The following PLCB1 variants were observed in gnomAD, a reference collection of about 807,000 sequenced individuals.
PLCB1 encodes the protein phospholipase C beta 1.
In PLCB1, 46 loss-of-function variants were observed where a neutral mutation model predicts 161.8. That is an observed-to-expected ratio of 0.28 (90% CI 0.22 to 0.36). The LOEUF (loss-of-function observed/expected upper bound fraction) is 0.36, where lower values mean the gene tolerates loss of function less well. Ranked by LOEUF, PLCB1 falls within the 10% of genes least tolerant of loss-of-function variation. The probability of loss-of-function intolerance (pLI) is 1.00; values close to 1 mark genes in which losing one functional copy is unlikely to be tolerated. For missense variants in PLCB1, 1,016 were observed against 1,472.5 expected (o/e 0.69, Z 5.07); for synonymous variants, 517 against 503.7 (o/e 1.03, Z -0.35).
intron 2 of PLCB1, among the ~76,000 whole-genome samples, chr20:8,233,353 C>A (rs1330583726): frequency 1.3e-5 from 2 of 152,068 alleles, no homozygotes; most frequent in Non-Finnish European, 2.9e-5. Context: ...CAGAGAAAGA[C>A]AATAAGAATG....
At chr20:8,774,768 T>A in intron 27 of PLCB1, 49 bp downstream of exon 27, 1 of 1,489,346 alleles carries the variant, frequency 6.7e-7, no homozygotes. Context: ...AACTCCCTTA[T>A]AGGAAACTTT....
At chr20:8,333,918 A>G (rs1047976241) in intron 2 of PLCB1, among the ~76,000 whole-genome samples, 1 of 152,224 alleles carries the variant, frequency 6.6e-6, no homozygotes, top group African/African-American at 2.4e-5. Context: ...AATAGAAAAC[A>G]TTAGCTTTGG....
At chr20:8,852,885 G>A (rs1986937543) in intron 31 of PLCB1, among the ~76,000 whole-genome samples, 1 of 152,220 alleles carries the variant, frequency 6.6e-6, no homozygotes, top group African/African-American at 2.4e-5. Context: ...GTGTCATGAA[G>A]TGACCTCTGA....
At chr20:8,203,805 G>T (rs1978371516) in intron 2 of PLCB1, among the ~76,000 whole-genome samples, 1 of 152,110 alleles carries the variant, frequency 6.6e-6, no homozygotes, top group Non-Finnish European at 1.5e-5. Flanking sequence ...TTTTTAATAC[G>T]TGCCTTAGTG....
chr20:8,452,943 A>C (rs2122653610), intron 3 of PLCB1, among the ~76,000 whole-genome samples: 1 of 152,314 alleles, frequency 6.6e-6, no homozygotes, highest in East Asian at 1.9e-4. Context: ...GTCCCTGAGT[A>C]CACCAGCTGA....
intron 19 of PLCB1, among the ~76,000 whole-genome samples, chr20:8,734,520 A>G (rs1421294678): frequency 3.3e-5 from 5 of 152,014 alleles, no homozygotes; most frequent in African/African-American, 1.2e-4. Flanking sequence ...TTGCTTTATT[A>G]AATATATATG....
chr20:8,840,395 G>C (rs1254172367), intron 31 of PLCB1, among the ~76,000 whole-genome samples: 1 of 152,202 alleles, frequency 6.6e-6, no homozygotes, highest in African/African-American at 2.4e-5. Context: ...GTGTGACATG[G>C]GCCATAGGTT....
chr20:8,304,461 T>C (rs2719804), intron 2 of PLCB1, among the ~76,000 whole-genome samples: 49,482 of 151,272 alleles, frequency 0.33, 10,459 homozygotes, highest in African/African-American at 0.59. Flanking sequence ...GAATCCCCTG[T>C]TGCTTAAATC....
intron 24 of PLCB1, among the ~76,000 whole-genome samples, chr20:8,758,641 G>A (rs947375962): frequency 6.6e-6 from 1 of 151,852 alleles, no homozygotes; most frequent in African/African-American, 2.4e-5. Context: ...TTATAAACAA[G>A]AAGTAAATTT....
intron 2 of PLCB1, among the ~76,000 whole-genome samples, chr20:8,363,685 G>A (rs946353196): frequency 6.6e-6 from 1 of 152,110 alleles, no homozygotes; most frequent in African/African-American, 2.4e-5. Context: ...CACACTCAGA[G>A]GGAGGGGATT....
intron 10 of PLCB1, among the ~76,000 whole-genome samples, chr20:8,692,664 T>C (rs1990503961): frequency 6.6e-6 from 1 of 152,122 alleles, no homozygotes. Context: ...AGGAATTCAT[T>C]AATATCATGG....
chr20:8,584,795 ATTCTCCT>A (rs1986939409), intron 3 of PLCB1, among the ~76,000 whole-genome samples: 2 of 151,782 alleles, frequency 1.3e-5, no homozygotes, highest in Non-Finnish European at 2.9e-5. Flanking sequence ...GGTTTAAGCG[ATTCTCCT>A]GCCTCAGCCT....
chr20:8,819,210 G>A (rs534835211), intron 31 of PLCB1, among the ~76,000 whole-genome samples: 2 of 152,232 alleles, frequency 1.3e-5, no homozygotes, highest in East Asian at 3.9e-4. Flanking sequence ...ATGAATAAGC[G>A]CACACTGATG....
At chr20:8,309,413 G>C (rs1034689254) in intron 2 of PLCB1, among the ~76,000 whole-genome samples, 3 of 152,158 alleles carry the variant, frequency 2.0e-5, no homozygotes, top group African/African-American at 7.2e-5. Context: ...CATAGGAAAA[G>C]CATTCTTCTT....
At chr20:8,613,107 G>A (rs1028937215) in intron 3 of PLCB1, among the ~76,000 whole-genome samples, 4 of 152,058 alleles carry the variant, frequency 2.6e-5, no homozygotes, top group Admixed American at 6.6e-5. Flanking sequence ...GTAAATGCTC[G>A]TCTCTTTATT....
At chr20:8,198,952 A>G in intron 2 of PLCB1, among the ~76,000 whole-genome samples, 1 of 129,288 alleles carries the variant, frequency 7.7e-6, no homozygotes. Context: ...AGACAGACAG[A>G]CACACACACA....
intron 31 of PLCB1, among the ~76,000 whole-genome samples, chr20:8,871,185 A>G (rs2146324913): frequency 6.6e-6 from 1 of 152,324 alleles, no homozygotes; most frequent in Non-Finnish European, 1.5e-5. Flanking sequence ...CATGAAAGTA[A>G]ATGTGTGATA....
intron 3 of PLCB1, among the ~76,000 whole-genome samples, chr20:8,590,421 C>T (rs1476176920): frequency 2.6e-5 from 4 of 151,992 alleles, no homozygotes; most frequent in East Asian, 1.9e-4. Flanking sequence ...AATATAAAAT[C>T]GATGTCACCT....
At chr20:8,171,452 T>C (rs928048660) in intron 2 of PLCB1, among the ~76,000 whole-genome samples, 14 of 152,116 alleles carry the variant, frequency 9.2e-5, no homozygotes, top group African/African-American at 3.4e-4. Context: ...GTTACTTCTT[T>C]TGTAGTAGAG....
Sources: gnomAD v4.1 joint callset for allele counts (sites outside exome capture counted in the v4.1 genomes callset) on GRCh38, gnomAD v4.1.1 for gene constraint, MANE v1.5 for transcripts, NCBI Gene and HGNC (gene_info 2026-07-23, HGNC 2026-07-21) for gene names.